The following NIN variants were observed in gnomAD, a reference collection of about 807,000 sequenced individuals.
NIN encodes glycogen synthase kinase 3 beta-interacting protein.
NIN carries 137 observed loss-of-function variants against 257.6 expected under a neutral mutation model. The observed-to-expected ratio is 0.53, with a 90% confidence interval of 0.46 to 0.61. The LOEUF (loss-of-function observed/expected upper bound fraction) is 0.61. Ranked by LOEUF, NIN falls within the 20% of genes least tolerant of loss-of-function variation. The pLI is 0.00. For missense variants in NIN, 2,439 were observed against 2,501.2 expected (o/e 0.98, Z 0.53); for synonymous variants, 918 against 919.8 (o/e 1.00, Z 0.04).
chr14:50,730,273 A>C (rs939650087), intron 28 of NIN, among the ~76,000 whole-genome samples: 1 of 152,210 alleles, frequency 6.6e-6, no homozygotes, highest in African/African-American at 2.4e-5. Flanking sequence ...AAGACAGACA[A>C]TTCTGGGGCA....
At chr14:50,821,527 C>G (rs549995124) in intron 3 of NIN, among the ~76,000 whole-genome samples, 1 of 152,336 alleles carries the variant, frequency 6.6e-6, no homozygotes, top group South Asian at 2.1e-4. Context: ...ACTGCATTTT[C>G]TTTCTCTTCA....
intron 14 of NIN, 94 bp downstream of exon 14, chr14:50,766,213 G>C: frequency 2.3e-6 from 2 of 880,186 alleles, no homozygotes; most frequent in Non-Finnish European, 3.8e-6. Context: ...CACAGATGAA[G>C]TGACTTGCTT....
rs541040866 is a variant in NIN, at chr14:50,751,220, G to A, written c.4950+1298C>T. Among the ~76,000 whole-genome samples, 5 of 152,286 alleles carry A rather than the reference G, an allele frequency of 3.3e-5. No individual in the cohort carries two copies. The South Asian group carries it at 6.2e-4, about 19-fold the overall frequency. Reference sequence around the variant, plus strand: ...CCACCATTTTGCAATTAGAAACAGTGCTGCAGTGAGTAACCCTCTGCATAT... The same window carrying A: ...CCACCATTTTGCAATTAGAAACAGTACTGCAGTGAGTAACCCTCTGCATAT... On this transcript the variant is annotated intron_variant, in intron 21 of 30. Transcript: ENST00000530997.
chr14:50,797,670 C>T (rs545561835), intron 4 of NIN, among the ~76,000 whole-genome samples: 18 of 152,166 alleles, frequency 1.2e-4, no homozygotes, highest in African/African-American at 3.6e-4. Flanking sequence ...TGCAAACCCA[C>T]GCCTGATTCT....
intron 4 of NIN, among the ~76,000 whole-genome samples, chr14:50,793,807 A>G (rs1035426032): frequency 2.0e-5 from 3 of 152,188 alleles, no homozygotes; most frequent in Non-Finnish European, 4.4e-5. Flanking sequence ...AATAAAATAA[A>G]TACTTCACTC....
At chr14:50,820,479 T>C (rs1380980194) in intron 3 of NIN, among the ~76,000 whole-genome samples, 2 of 152,184 alleles carry the variant, frequency 1.3e-5, no homozygotes, top group East Asian at 3.8e-4. Context: ...GATCAGCCCA[T>C]TGATACTATC....
intron 3 of NIN, among the ~76,000 whole-genome samples, chr14:50,815,178 C>T (rs1292322986): frequency 1.3e-5 from 2 of 152,132 alleles, no homozygotes; most frequent in African/African-American, 2.4e-5. Context: ...TTACAACAAA[C>T]TTAAACACAT....
intron 25 of NIN, 117 bp from the exon 26 acceptor site, chr14:50,739,604 C>T (rs1361694231): frequency 3.8e-6 from 3 of 798,480 alleles, no homozygotes; most frequent in Non-Finnish European, 6.0e-6. Flanking sequence ...TTTCAATTGT[C>T]CCCTCAGTCT....
intron 28 of NIN, chr14:50,730,861 G>A: frequency 8.0e-7 from 1 of 1,246,760 alleles, no homozygotes; most frequent in Non-Finnish European, 1.0e-6. Context: ...GAAATAACAT[G>A]AGCAAGGGGT....
intron 2 of NIN, among the ~76,000 whole-genome samples, chr14:50,824,626 C>A (rs1174540371): frequency 6.6e-6 from 1 of 152,160 alleles, no homozygotes; most frequent in Non-Finnish European, 1.5e-5. Context: ...ATGGTAAGAT[C>A]CACGCTCCTA....
chr14:50,769,112 C>T (rs1437059024), intron 12 of NIN, among the ~76,000 whole-genome samples: 1 of 152,216 alleles, frequency 6.6e-6, no homozygotes, highest in African/African-American at 2.4e-5. Flanking sequence ...TTTGCGATAG[C>T]AATAACAGCA....
At chr14:50,731,181 G>A (rs2040676441) in intron 28 of NIN, among the ~76,000 whole-genome samples, 1 of 152,126 alleles carries the variant, frequency 6.6e-6, no homozygotes, top group Non-Finnish European at 1.5e-5. Context: ...TTCTACAAGT[G>A]CATCTTCACT....
At chr14:50,766,735 A>C (rs372006071) in intron 13 of NIN, 45 bp downstream of exon 13, 2 of 1,350,846 alleles carry the variant, frequency 1.5e-6, no homozygotes, top group African/African-American at 1.4e-5. Flanking sequence ...AGTAAACTAC[A>C]TAAAGTAGGC....
At chr14:50,731,629 A>G (rs2040708482) in intron 28 of NIN, among the ~76,000 whole-genome samples, 2 of 151,800 alleles carry the variant, frequency 1.3e-5, no homozygotes, top group Admixed American at 6.6e-5. Context: ...AGGTCAGGAG[A>G]TCAAGACCAT....
chr14:50,763,786 G>A lies in NIN; in HGVS notation c.1774+40C>T, dbSNP rs1284090275. 3.2e-6 allele frequency: 5 copies of A among 1,572,058 alleles called. No homozygotes were observed. In the Admixed American group the frequency reaches 6.8e-5, roughly 22 times the overall value. ...TATTGAACCACGTTTCTAAAAACAA[G>A]AGTAAAGGCTTTATCTACAGCCTGT... On this transcript the variant is annotated intron_variant, in intron 15 of 30. Transcript: ENST00000530997.
chr14:50,732,791 G>A (rs893322610), intron 28 of NIN, among the ~76,000 whole-genome samples: 8 of 151,858 alleles, frequency 5.3e-5, no homozygotes, highest in African/African-American at 1.7e-4. Context: ...GCAGTGGTGC[G>A]ATCTCAGCTC....
Position 50,743,411 on chromosome 14 carries a change from T to A in NIN, c.5301+5A>T, listed in dbSNP as rs754839212. 1 of 1,563,914 alleles carries A rather than the reference T, an allele frequency of 6.4e-7. No homozygotes were observed. The highest frequency in any genetic ancestry group is 8.8e-7 in the Non-Finnish European group (1 of 1,134,124). On this transcript the variant is annotated splice_donor_5th_base_variant and intron_variant, in intron 24 of 30. Transcript: ENST00000530997. Reference sequence around the variant, plus strand: ...GTGAAGATGAAACAAGAATTGTCCATGTACCTTTTCCTGAGAAGCCACCAG... The same window carrying A: ...GTGAAGATGAAACAAGAATTGTCCAAGTACCTTTTCCTGAGAAGCCACCAG...
At chr14:50,788,337 G>A (rs2043433823) in intron 5 of NIN, among the ~76,000 whole-genome samples, 1 of 152,180 alleles carries the variant, frequency 6.6e-6, no homozygotes, top group Non-Finnish European at 1.5e-5. Flanking sequence ...GAAGCCTGAA[G>A]CTTCACAGTG....
At chr14:50,725,829 TTATAA>T (rs762629332) in intron 30 of NIN, 119 bp downstream of exon 30, 33 of 1,551,596 alleles carry the variant, frequency 2.1e-5, no homozygotes, top group Non-Finnish European at 2.9e-5. Flanking sequence ...TTACAGACAT[TTATAA>T]TAGAATTTGC....
Sources: allele counts gnomAD v4.1 joint callset (sites outside exome capture counted in the v4.1 genomes callset), GRCh38; gene constraint gnomAD v4.1.1; transcripts MANE v1.5; gene names NCBI Gene and HGNC (gene_info 2026-07-23, HGNC 2026-07-21).